ITFG1: variants seen among roughly 807,000 people sequenced by gnomAD.
The protein encoded by ITFG1 is integrin alpha FG-GAP repeat containing 1.
Under a neutral mutation model 81.8 loss-of-function variants are expected in ITFG1, and 34 were observed. That is an observed-to-expected ratio of 0.42 (90% CI 0.32 to 0.55). The LOEUF (loss-of-function observed/expected upper bound fraction) is 0.55. Among genes scored for constraint, ITFG1 ranks in the 20% least tolerant of loss-of-function variants. ITFG1 has a pLI of 0.17. For synonymous variants in ITFG1, 285 were observed against 270.6 expected, an observed-to-expected ratio of 1.05 and a Z score of -0.52; for missense variants, 672 against 755.4, an observed-to-expected ratio of 0.89 and a Z score of 1.29.
At chr16:47,158,829 A>G in intron 17 of ITFG1, 44 bp downstream of exon 17, 2 of 1,015,298 alleles carry the variant, frequency 2.0e-6, no homozygotes, top group Non-Finnish European at 3.1e-6. Context: ...ATGTATTACT[A>G]GAATAAATTA....
intron 15 of ITFG1, 61 bp from the exon 16 acceptor site, chr16:47,161,893 CTAAA>C: frequency 1.0e-6 from 1 of 970,784 alleles, no homozygotes; most frequent in Non-Finnish European, 1.6e-6. Flanking sequence ...AATTATTATT[CTAAA>C]TAAATAATGA....
chr16:47,346,242 C>T (rs1967853326), intron 8 of ITFG1, among the ~76,000 whole-genome samples: 1 of 152,098 alleles, frequency 6.6e-6, no homozygotes, highest in Admixed American at 6.6e-5. Flanking sequence ...GTATTGTTTC[C>T]AACCACAACT....
chr16:47,168,200 G>A (rs1369441186), intron 14 of ITFG1, among the ~76,000 whole-genome samples: 2 of 152,074 alleles, frequency 1.3e-5, no homozygotes, highest in African/African-American at 4.8e-5. Context: ...ATCTTTTTCT[G>A]TGCTTATTGG....
intron 14 of ITFG1, among the ~76,000 whole-genome samples, chr16:47,178,990 T>C (rs1965065084): frequency 1.3e-5 from 2 of 152,188 alleles, no homozygotes; most frequent in East Asian, 1.9e-4. Context: ...TCATCATCAC[T>C]GGCCATCAGA....
chr16:47,315,752 G>T (rs758087987), intron 8 of ITFG1, among the ~76,000 whole-genome samples: 58 of 134,906 alleles, frequency 4.3e-4, no homozygotes, highest in Admixed American at 1.4e-3. Flanking sequence ...TGTGTTTCTT[G>T]TGCTATTCTA....
At chr16:47,161,949 T>C (rs1399238493) in intron 15 of ITFG1, 117 bp from the exon 16 acceptor site, 1 of 673,832 alleles carries the variant, frequency 1.5e-6, no homozygotes, top group African/African-American at 1.8e-5. Flanking sequence ...TAGGTATGGA[T>C]TAAGCTATGT....
intron 2 of ITFG1, among the ~76,000 whole-genome samples, 190 bp downstream of exon 2, chr16:47,458,913 C>A (rs1220570032): frequency 4.6e-5 from 7 of 152,054 alleles, no homozygotes; most frequent in African/African-American, 1.7e-4. Context: ...AAATTTATTT[C>A]TTTAAAGTCA....
intron 8 of ITFG1, among the ~76,000 whole-genome samples, chr16:47,335,231 C>T (rs912132086): frequency 6.6e-6 from 1 of 152,206 alleles, no homozygotes; most frequent in African/African-American, 2.4e-5. Flanking sequence ...GTGGTGGGCA[C>T]CTGTAATCCC....
chr16:47,201,116 T>A (rs1965419378), intron 14 of ITFG1, among the ~76,000 whole-genome samples: 1 of 152,176 alleles, frequency 6.6e-6, no homozygotes, highest in South Asian at 2.1e-4. Context: ...ATAATGGGAC[T>A]CAAACACTTA....
chr16:47,451,835 T>G (rs972518608), intron 4 of ITFG1, among the ~76,000 whole-genome samples: 3 of 152,146 alleles, frequency 2.0e-5, no homozygotes, highest in African/African-American at 4.8e-5. Flanking sequence ...AAGAAATAAA[T>G]TCGTTTTGTG....
At chr16:47,404,057 C>T (rs1392227484) in intron 6 of ITFG1, among the ~76,000 whole-genome samples, 2 of 152,144 alleles carry the variant, frequency 1.3e-5, no homozygotes, top group East Asian at 1.9e-4. Flanking sequence ...AAATGTAACG[C>T]CCTTGAATCA....
chr16:47,360,704 C>T (rs553978405), intron 8 of ITFG1, among the ~76,000 whole-genome samples: 5 of 152,144 alleles, frequency 3.3e-5, no homozygotes, highest in Non-Finnish European at 7.4e-5. Context: ...TTTCCACACA[C>T]GGCGCATCTG....
chr16:47,404,099 GA>G (rs1596961008), intron 6 of ITFG1, among the ~76,000 whole-genome samples: 2 of 152,184 alleles, frequency 1.3e-5, no homozygotes, highest in East Asian at 3.9e-4. Flanking sequence ...CTCGTCTGTG[GA>G]AAAATAGTCT....
At chr16:47,318,940 A>G (rs566621178) in intron 8 of ITFG1, among the ~76,000 whole-genome samples, 66 of 152,328 alleles carry the variant, frequency 4.3e-4, no homozygotes, top group Non-Finnish European at 7.4e-4. Context: ...TATCCCATCT[A>G]TCGTCAAACT....
At chr16:47,251,441 C>T (rs527943454) in intron 12 of ITFG1, among the ~76,000 whole-genome samples, 1 of 152,146 alleles carries the variant, frequency 6.6e-6, no homozygotes, top group Middle Eastern at 3.4e-3. Context: ...TGACCCACCC[C>T]GCCCGCACTA....
chr16:47,316,716 A>G (rs1045560546), intron 8 of ITFG1, among the ~76,000 whole-genome samples: 2 of 152,144 alleles, frequency 1.3e-5, no homozygotes, highest in South Asian at 4.1e-4. Flanking sequence ...TATCTTTTAA[A>G]TCTCACACTA....
intron 2 of ITFG1, among the ~76,000 whole-genome samples, chr16:47,454,404 G>A (rs1969426696): frequency 6.6e-6 from 1 of 152,098 alleles, no homozygotes; most frequent in Admixed American, 6.6e-5. Context: ...GAGAGAAAAC[G>A]TGTTTATTAT....
intron 14 of ITFG1, among the ~76,000 whole-genome samples, chr16:47,203,100 G>A (rs559554820): frequency 6.6e-6 from 1 of 152,314 alleles, no homozygotes; most frequent in African/African-American, 2.4e-5. Flanking sequence ...CAACCCAAGT[G>A]TCCATGAACT....
At chr16:47,387,263 A>G (rs998897928) in intron 6 of ITFG1, among the ~76,000 whole-genome samples, 3 of 152,206 alleles carry the variant, frequency 2.0e-5, no homozygotes, top group African/African-American at 7.2e-5. Context: ...ACTACAGGGA[A>G]AATAATCTTT....
Sources: allele counts gnomAD v4.1 joint callset (sites outside exome capture counted in the v4.1 genomes callset), GRCh38; gene constraint gnomAD v4.1.1; transcripts MANE v1.5; gene names NCBI Gene and HGNC (gene_info 2026-07-23, HGNC 2026-07-21).